Variants in LIN28B observed in about 807,000 individuals in gnomAD.
LIN28B encodes lin-28 RNA binding posttranscriptional regulator B.
In LIN28B, 5 loss-of-function variants were observed where a neutral mutation model predicts 21.9. The observed-to-expected ratio is 0.23, with a 90% CI of 0.12 to 0.48. The LOEUF (loss-of-function observed/expected upper bound fraction) is 0.48. LIN28B is among the 20% of genes least tolerant of loss of function. The pLI is 0.98. For synonymous variants in LIN28B, 109 were observed against 111.3 expected, an observed-to-expected ratio of 0.98 and a Z score of 0.13; for missense variants, 245 against 310.5, an observed-to-expected ratio of 0.79 and a Z score of 1.58.
At chr6:104,969,791 A>T (rs1413893529) in intron 2 of LIN28B, among the ~76,000 whole-genome samples, 1 of 152,174 alleles carries the variant, frequency 6.6e-6, no homozygotes, top group African/African-American at 2.4e-5. Flanking sequence ...TTTTATTTTG[A>T]TGTGCTTAAT....
intron 2 of LIN28B, among the ~76,000 whole-genome samples, chr6:104,948,295 C>T (rs1330133341): frequency 6.6e-6 from 1 of 151,608 alleles, no homozygotes; most frequent in Admixed American, 6.6e-5. Context: ...AGTGAAACCC[C>T]ATCTCTACTA....
chr6:105,074,018 A>C (rs566929070), intron 3 of LIN28B, among the ~76,000 whole-genome samples: 14 of 152,300 alleles, frequency 9.2e-5, no homozygotes, highest in African/African-American at 3.4e-4. Context: ...ATCCTCAGAA[A>C]TTTGGGTATG....
rs375409382 is a variant in LIN28B at position 104,992,150 on chromosome 6, C to T, written c.198+33864C>T. Reference sequence around the variant, plus strand: ...GATCTCGGCTCACCGTAACCTCCGCCTTTGGGTTCAAGTGATTCTCCTGCC... The same window carrying T: ...GATCTCGGCTCACCGTAACCTCCGCTTTTGGGTTCAAGTGATTCTCCTGCC... On this transcript the variant is annotated intron_variant, in intron 2 of 3. Transcript: ENST00000345080. 2.8e-3 allele frequency among the ~76,000 whole-genome samples: 422 copies of T among 152,128 alleles called. 3 individuals are homozygous for T. The highest frequency in any genetic ancestry group is 0.01 in the South Asian group (50 of 4,810).
intron 2 of LIN28B, among the ~76,000 whole-genome samples, chr6:105,021,129 A>G (rs1771133569): frequency 6.6e-6 from 1 of 151,820 alleles, no homozygotes; most frequent in Non-Finnish European, 1.5e-5. Context: ...GTGATATTTG[A>G]CTTTCTGTGC....
chr6:105,031,638 A>G (rs1771427210), intron 3 of LIN28B, among the ~76,000 whole-genome samples: 1 of 150,754 alleles, frequency 6.6e-6, no homozygotes, highest in African/African-American at 2.4e-5. Context: ...GGTTCACACC[A>G]TTCTCCTGCC....
chr6:105,039,014 C>T (rs1422382870), intron 3 of LIN28B, among the ~76,000 whole-genome samples: 1 of 152,164 alleles, frequency 6.6e-6, no homozygotes, highest in African/African-American at 2.4e-5. Flanking sequence ...TATCTTTTTA[C>T]TCCACTTCTG....
Position 105,019,091 on chromosome 6 carries a change from G to A in LIN28B, c.199-7207G>A, listed in dbSNP as rs545079312. Among the ~76,000 whole-genome samples the A allele has an allele frequency of 3.1e-3, 467 of 151,914 alleles. 6 individuals are homozygous for A. The highest frequency in any genetic ancestry group is 0.011 in the African/African-American group (445 of 41,432). On this transcript the variant is annotated intron_variant, in intron 2 of 3. Transcript: ENST00000345080. ...TTCCCTAGTAGCTGGGATTATAAGC[G>A]CCCGCCACCACACCCAGCTAATTTT... is the stretch of plus-strand genomic sequence containing the variant.
chr6:105,019,237 C>G (rs553332825), intron 2 of LIN28B, among the ~76,000 whole-genome samples: 37 of 152,274 alleles, frequency 2.4e-4, no homozygotes, highest in Non-Finnish European at 5.0e-4. Flanking sequence ...CGTGAGCCAC[C>G]GCGCCCATCT....
chr6:104,960,058 T>C (rs1769698288), intron 2 of LIN28B, among the ~76,000 whole-genome samples: 1 of 152,186 alleles, frequency 6.6e-6, no homozygotes, highest in Admixed American at 6.6e-5. Context: ...ATGTAGCTGC[T>C]GAAGTTTTTT....
chr6:105,071,948 G>A (rs923007371), intron 3 of LIN28B, among the ~76,000 whole-genome samples: 3 of 152,108 alleles, frequency 2.0e-5, no homozygotes, highest in Non-Finnish European at 4.4e-5. Flanking sequence ...GAGATGAAAA[G>A]AAAATTCAGC....
intron 2 of LIN28B, among the ~76,000 whole-genome samples, chr6:104,939,837 G>C (rs927479779): frequency 1.1e-4 from 17 of 152,180 alleles, no homozygotes; most frequent in Admixed American, 9.8e-4. Context: ...TAGCTGGTCA[G>C]ATAATGATTG....
At chr6:105,077,869 A>G (rs1243561105) in intron 3 of LIN28B, among the ~76,000 whole-genome samples, 1 of 152,198 alleles carries the variant, frequency 6.6e-6, no homozygotes, top group Non-Finnish European at 1.5e-5. Flanking sequence ...AATTTTATAC[A>G]AAGGAAAAAA....
chr6:105,048,297 T>A (rs1378399818), intron 3 of LIN28B, among the ~76,000 whole-genome samples: 25 of 152,346 alleles, frequency 1.6e-4, no homozygotes, highest in East Asian at 1.9e-4. Context: ...TTGTCTTTGG[T>A]TCTGTTTATA....
intron 2 of LIN28B, among the ~76,000 whole-genome samples, chr6:104,968,657 A>T (rs1005478253): frequency 6.6e-6 from 1 of 152,194 alleles, no homozygotes; most frequent in East Asian, 1.9e-4. Context: ...ATTTCAAATT[A>T]CTTTTACTTT....
intron 3 of LIN28B, among the ~76,000 whole-genome samples, chr6:105,059,075 G>A (rs969443728): frequency 6.6e-6 from 1 of 152,024 alleles, no homozygotes; most frequent in South Asian, 2.1e-4. Context: ...TTTTGTATTC[G>A]TTTTATGTTC....
In LIN28B at chr6:105,017,182, C is replaced by G. The variant is rs140398337; in HGVS notation, c.199-9116C>G. Among the ~76,000 whole-genome samples, 61 of 151,816 alleles carry G rather than the reference C, an allele frequency of 4.0e-4. 1 individual carries two copies. In the East Asian group the frequency reaches 0.012, roughly 29 times the overall value. ...AATTGGAGCACTGGAAAAGGAGTAC[C>G]TGTATTTGCTTAAGAATATCATAAA... On this transcript the variant is annotated intron_variant, in intron 2 of 3. Transcript: ENST00000345080.
At chr6:104,965,039 G>T (rs185823732) in intron 2 of LIN28B, among the ~76,000 whole-genome samples, 1 of 152,196 alleles carries the variant, frequency 6.6e-6, no homozygotes, top group Non-Finnish European at 1.5e-5. Flanking sequence ...AATGTAAACT[G>T]GTCTTTGCCA....
intron 2 of LIN28B, among the ~76,000 whole-genome samples, chr6:104,972,266 C>T (rs1769997214): frequency 6.6e-6 from 1 of 152,178 alleles, no homozygotes; most frequent in Non-Finnish European, 1.5e-5. Context: ...GCCACCTTGC[C>T]TGGCCTACTG....
chr6:105,018,933 C>CTTTCTTTTCT (rs777202068), intron 2 of LIN28B, among the ~76,000 whole-genome samples: 2 of 151,396 alleles, frequency 1.3e-5, no homozygotes, highest in Non-Finnish European at 2.9e-5. Context: ...TTATCTTGGT[C>CTTTCTTTTCT]TTTCTTTTCT....
Sources: allele counts gnomAD v4.1 joint callset (sites outside exome capture counted in the v4.1 genomes callset), GRCh38; gene constraint gnomAD v4.1.1; transcripts MANE v1.5; gene names NCBI Gene and HGNC (gene_info 2026-07-23, HGNC 2026-07-21).